The following WDPCP variants were observed in gnomAD, a reference collection of about 807,000 sequenced individuals.
The protein encoded by WDPCP is WD repeat-containing and planar cell polarity effector protein fritz homolog.
Under a neutral mutation model 93.1 loss-of-function variants are expected in WDPCP, and 71 were observed. The ratio of observed to expected loss-of-function variants is 0.76; its 90% CI spans 0.63 to 0.93. WDPCP has a LOEUF of 0.93. Ranked by LOEUF, WDPCP falls within the 40% of genes least tolerant of loss-of-function variation. WDPCP has a pLI of 0.00. For synonymous variants in WDPCP, 315 were observed against 315.0 expected (o/e 1.00, Z 0.00); for missense variants, 844 against 887.4 (o/e 0.95, Z 0.62).
intron 14 of WDPCP, among the ~76,000 whole-genome samples, chr2:63,205,972 G>A (rs1259825810): frequency 2.0e-5 from 3 of 152,090 alleles, no homozygotes; most frequent in Admixed American, 6.6e-5. Context: ...TGTCATATAT[G>A]GCTTTTATTA....
intron 2 of WDPCP, among the ~76,000 whole-genome samples, chr2:63,711,841 C>T (rs1481493610): frequency 6.6e-6 from 1 of 152,188 alleles, no homozygotes; most frequent in Non-Finnish European, 1.5e-5. Context: ...ATTGATAGTA[C>T]TTTCCTGATG....
intron 2 of WDPCP, among the ~76,000 whole-genome samples, chr2:63,720,708 T>A (rs1669403631): frequency 6.6e-6 from 1 of 152,208 alleles, no homozygotes; most frequent in African/African-American, 2.4e-5. Context: ...ATTCCTGTGA[T>A]CTCTGCATAT....
intron 1 of WDPCP, among the ~76,000 whole-genome samples, chr2:63,504,514 A>G (rs1211542265): frequency 6.6e-6 from 1 of 152,004 alleles, no homozygotes; most frequent in African/African-American, 2.4e-5. Context: ...GAAATCTATG[A>G]GGGTAAAGTA....
chr2:63,797,401 G>C, intron 2 of WDPCP, among the ~76,000 whole-genome samples: 1 of 152,068 alleles, frequency 6.6e-6, no homozygotes, highest in Non-Finnish European at 1.5e-5. Flanking sequence ...CCTGATTCTA[G>C]ACCATGGCCC....
At position 63,431,482 on chromosome 2, in the gene WDPCP, G is replaced by C. The variant is rs566354840; in HGVS notation, c.825+2263C>G. Among the ~76,000 whole-genome samples the C allele has an allele frequency of 2.1e-4, 31 of 149,974 alleles. 1 individual carries two copies. Among genetic ancestry groups the C allele is most frequent in the Admixed American group, 1.7e-3 (25 of 15,072 alleles). On this transcript the variant is annotated intron_variant, in intron 9 of 17. Transcript: ENST00000272321. ...CAAGGCTGTTTTCTTTTTTTAGTTT[G>C]AATTTTAGGGTTTAAGAGCATATTG...
At chr2:63,372,384 G>A (rs1486765730) in intron 12 of WDPCP, among the ~76,000 whole-genome samples, 7 of 151,986 alleles carry the variant, frequency 4.6e-5, no homozygotes, top group South Asian at 2.1e-4. Context: ...CTGTTTTTTT[G>A]GTCTGTTTTG....
chr2:63,575,488 T>TGC (rs1708000681), intron 1 of WDPCP, among the ~76,000 whole-genome samples: 3 of 13,130 alleles, frequency 2.3e-4, no homozygotes, highest in Admixed American at 8.9e-4. Context: ...AGTGTATATA[T>TGC]AGTATATACA....
intron 2 of WDPCP, among the ~76,000 whole-genome samples, chr2:63,735,767 G>C (rs1236456979): frequency 1.3e-5 from 2 of 152,116 alleles, no homozygotes; most frequent in South Asian, 4.1e-4. Context: ...TCGAATAAAT[G>C]TTTCATATTC....
chr2:63,166,753 G>A (rs1175175011), intron 15 of WDPCP, among the ~76,000 whole-genome samples: 1 of 152,102 alleles, frequency 6.6e-6, no homozygotes, highest in African/African-American at 2.4e-5. Flanking sequence ...GGTAAATGAG[G>A]TGTCCATCAC....
At chr2:63,815,033 C>T (rs1670910866) in intron 1 of WDPCP, among the ~76,000 whole-genome samples, 1 of 152,000 alleles carries the variant, frequency 6.6e-6, no homozygotes, top group Non-Finnish European at 1.5e-5. Flanking sequence ...ATGAGATTTT[C>T]GATTTATAGA....
intron 12 of WDPCP, among the ~76,000 whole-genome samples, chr2:63,357,912 A>G (rs1205626087): frequency 6.6e-6 from 1 of 152,236 alleles, no homozygotes; most frequent in Non-Finnish European, 1.5e-5. Context: ...TACACCATGG[A>G]ATACTATGCA....
intron 17 of WDPCP, among the ~76,000 whole-genome samples, chr2:63,148,393 G>C (rs1671667833): frequency 6.6e-6 from 1 of 152,188 alleles, no homozygotes; most frequent in Admixed American, 6.5e-5. Context: ...AGGCTGGAGT[G>C]CGGTGGCATG....
chr2:63,467,505 G>A (rs770820829), intron 6 of WDPCP, among the ~76,000 whole-genome samples: 5 of 151,688 alleles, frequency 3.3e-5, no homozygotes, highest in South Asian at 2.1e-4. Context: ...AATGCCAGGC[G>A]TGGTGGCTCA....
At chr2:63,654,800 G>A (rs1710146995) in intron 2 of WDPCP, among the ~76,000 whole-genome samples, 1 of 151,378 alleles carries the variant, frequency 6.6e-6, no homozygotes, top group African/African-American at 2.4e-5. Flanking sequence ...GCAAATAATT[G>A]TTATACTGTA....
At chr2:63,423,804 A>C (rs1696046548) in intron 9 of WDPCP, among the ~76,000 whole-genome samples, 1 of 152,224 alleles carries the variant, frequency 6.6e-6, no homozygotes. Flanking sequence ...GAGGATGGTA[A>C]TAACTTTCCA....
intron 14 of WDPCP, among the ~76,000 whole-genome samples, chr2:63,206,334 T>C (rs1458078469): frequency 6.6e-6 from 1 of 152,240 alleles, no homozygotes; most frequent in African/African-American, 2.4e-5. Context: ...TTCTCTACTA[T>C]GAGCATTACT....
rs549058705 is a variant in WDPCP, at chr2:63,333,687, C to A, written c.1749-20376G>T. 2.0e-5 allele frequency among the ~76,000 whole-genome samples: 3 copies of A among 152,282 alleles called. No individual in the cohort carries two copies. The South Asian group carries it at 6.2e-4, about 32-fold the overall frequency. On this transcript the variant is annotated intron_variant, in intron 12 of 17. Coordinates refer to ENST00000272321, the MANE Select transcript of WDPCP (RefSeq NM_015910.7). ...CTTTGAGTTGTCCTGCCTTTCTGAA[C>A]CAAACCAATGTATTTCTTAAATGTA...
chr2:63,195,338 T>TC (rs1340191976), intron 14 of WDPCP, among the ~76,000 whole-genome samples: 7 of 152,216 alleles, frequency 4.6e-5, no homozygotes, highest in Non-Finnish European at 8.8e-5. Flanking sequence ...CCATGTGATC[T>TC]TAAGCAGGTC....
intron 2 of WDPCP, among the ~76,000 whole-genome samples, chr2:63,751,140 G>T (rs1669873571): frequency 1.3e-5 from 2 of 152,084 alleles, no homozygotes; most frequent in South Asian, 4.1e-4. Flanking sequence ...TTTAAAAATG[G>T]ATATAGGACT....
Sources: allele counts gnomAD v4.1 joint callset (sites outside exome capture counted in the v4.1 genomes callset), GRCh38; gene constraint gnomAD v4.1.1; transcripts MANE v1.5; gene names NCBI Gene and HGNC (gene_info 2026-07-23, HGNC 2026-07-21).